The following AGBL4 variants were observed in gnomAD, a reference collection of about 807,000 sequenced individuals.
AGBL4 encodes the protein AGBL carboxypeptidase 4.
A neutral mutation model predicts 66.4 loss-of-function variants in AGBL4; 58 were observed. The observed-to-expected ratio is 0.87, with a 90% CI of 0.71 to 1.09. AGBL4 has a LOEUF of 1.09. Among genes scored for constraint, AGBL4 ranks in the 50% least tolerant of loss-of-function variants. AGBL4 has a pLI of 0.00. For synonymous variants in AGBL4, 234 were observed against 222.9 expected, an observed-to-expected ratio of 1.05 and a Z score of -0.44; for missense variants, 579 against 631.0, an observed-to-expected ratio of 0.92 and a Z score of 0.88.
At chr1:49,965,914 A>C (rs1452549914) in intron 1 of AGBL4, among the ~76,000 whole-genome samples, 2 of 151,718 alleles carry the variant, frequency 1.3e-5, no homozygotes, top group Non-Finnish European at 2.9e-5. Flanking sequence ...TAATTCAACC[A>C]GAGCCCCATT....
intron 1 of AGBL4, among the ~76,000 whole-genome samples, chr1:49,894,141 T>A (rs1648938941): frequency 6.6e-6 from 1 of 152,176 alleles, no homozygotes; most frequent in African/African-American, 2.4e-5. Flanking sequence ...CCTCTATGAA[T>A]CTGCAAGAAC....
chr1:49,872,282 T>C (rs1039127703), intron 1 of AGBL4, among the ~76,000 whole-genome samples: 1 of 152,094 alleles, frequency 6.6e-6, no homozygotes, highest in African/African-American at 2.4e-5. Context: ...TGAGTATTCT[T>C]AATTTATAAC....
At chr1:49,511,441 T>G (rs1413243857) in intron 3 of AGBL4, among the ~76,000 whole-genome samples, 28 of 114,124 alleles carry the variant, frequency 2.5e-4, no homozygotes, top group Admixed American at 1.2e-3. Context: ...AACATCACAC[T>G]CTGGGGACTG....
rs181478521 is a variant in AGBL4, at chr1:48,713,027, C to T, written c.635-49786G>A. Among the ~76,000 whole-genome samples, 28 of 152,316 alleles carry T rather than the reference C, an allele frequency of 1.8e-4. 1 individual carries two copies. Among genetic ancestry groups the T allele is most frequent in the Admixed American group, 4.6e-4 (7 of 15,294 alleles). On this transcript the variant is annotated intron_variant, in intron 6 of 13. Coordinates refer to ENST00000371839, the MANE Select transcript of AGBL4 (RefSeq NM_032785.4). ...TTACTTTGGAGAGACAGCAGCTGAG[C>T]ATCCACTAGACAGGGATGCTTGGTA...
At chr1:49,125,212 T>C (rs1403285052) in intron 4 of AGBL4, among the ~76,000 whole-genome samples, 2 of 152,178 alleles carry the variant, frequency 1.3e-5, no homozygotes, top group Non-Finnish European at 2.9e-5. Context: ...AGGCCTATTT[T>C]TGAGAATTTA....
rs1431997172 is a variant in AGBL4, at chr1:49,555,303, G to A, written c.282+142010C>T. 3.4e-5 allele frequency among the ~76,000 whole-genome samples: 5 copies of A among 148,932 alleles called. No individual in the cohort carries two copies. In the Admixed American group the frequency reaches 3.4e-4, roughly 10 times the overall value. Reference sequence around the variant, plus strand: ...CTCCAAGTCCCCACTAGATTAGCTAGACACAGAGCACTGATTGGTGCATTT... The same window carrying A: ...CTCCAAGTCCCCACTAGATTAGCTAAACACAGAGCACTGATTGGTGCATTT... On this transcript the variant is annotated intron_variant, in intron 3 of 13. Transcript: ENST00000371839.
chr1:48,841,026 A>G (rs377149836), intron 6 of AGBL4, among the ~76,000 whole-genome samples: 1 of 152,206 alleles, frequency 6.6e-6, no homozygotes, highest in East Asian at 1.9e-4. Flanking sequence ...CAAAAGCTAC[A>G]TTGTATATGA....
intron 3 of AGBL4, among the ~76,000 whole-genome samples, chr1:49,281,662 G>A (rs1644274952): frequency 6.6e-6 from 1 of 152,136 alleles, no homozygotes; most frequent in African/African-American, 2.4e-5. Flanking sequence ...CAGTTTCCTG[G>A]CATACAGCTA....
intron 4 of AGBL4, among the ~76,000 whole-genome samples, chr1:49,122,898 G>A (rs1464979801): frequency 6.6e-6 from 1 of 152,120 alleles, no homozygotes; most frequent in Non-Finnish European, 1.5e-5. Flanking sequence ...CTGTCACCCA[G>A]GGTGGAGTGC....
intron 3 of AGBL4, among the ~76,000 whole-genome samples, chr1:49,292,587 C>A (rs1035342194): frequency 6.6e-6 from 1 of 152,174 alleles, no homozygotes; most frequent in Non-Finnish European, 1.5e-5. Flanking sequence ...TTACCCACTA[C>A]AGGACCTCGT....
intron 3 of AGBL4, among the ~76,000 whole-genome samples, chr1:49,394,249 G>A (rs1644909791): frequency 6.6e-6 from 1 of 151,972 alleles, no homozygotes; most frequent in South Asian, 2.1e-4. Context: ...TCTAGTGGCA[G>A]CAACAAAACT....
chr1:48,739,160 C>T (rs1382879519), intron 6 of AGBL4, among the ~76,000 whole-genome samples: 1 of 152,224 alleles, frequency 6.6e-6, no homozygotes, highest in Non-Finnish European at 1.5e-5. Context: ...GCTCCCAGTG[C>T]AGTTCACCAC....
chr1:49,845,460 C>G lies in AGBL4; in HGVS notation c.157+5936G>C, dbSNP rs771787480. 39 of 1,531,040 alleles carry G rather than the reference C, an allele frequency of 2.5e-5. No homozygotes were observed. The Admixed American group carries it at 3.6e-4, about 14-fold the overall frequency. 94.8% of individuals were successfully genotyped at this position (1,531,040 alleles called of 1,614,324 possible). A position where few individuals can be genotyped will look rare whatever the true frequency, so the allele number is the denominator to read the frequency against. On this transcript the variant is annotated intron_variant, in intron 2 of 13. Transcript: ENST00000371839. ...CCTTCCAGCAAAGCATCCACCTCAC[C>G]CAGCACCTGCGAATCCACACTGGGG...
At chr1:49,542,910 A>C (rs946084501) in intron 3 of AGBL4, among the ~76,000 whole-genome samples, 4 of 150,230 alleles carry the variant, frequency 2.7e-5, no homozygotes, top group South Asian at 4.2e-4. Flanking sequence ...AAAAAAAAAA[A>C]AAAAAAAAAA....
At chr1:48,568,801 T>G (rs1462159024) in intron 11 of AGBL4, among the ~76,000 whole-genome samples, 1 of 152,180 alleles carries the variant, frequency 6.6e-6, no homozygotes, top group Non-Finnish European at 1.5e-5. Flanking sequence ...GTTATGTACT[T>G]TCTCCCTAAT....
intron 3 of AGBL4, among the ~76,000 whole-genome samples, chr1:49,524,010 C>A (rs907362930): frequency 2.6e-5 from 4 of 151,994 alleles, no homozygotes; most frequent in African/African-American, 4.8e-5. Context: ...CTAACAATTT[C>A]TTGAGTGCTT....
intron 1 of AGBL4, among the ~76,000 whole-genome samples, chr1:49,863,688 A>G (rs1036377982): frequency 6.6e-6 from 1 of 152,242 alleles, no homozygotes; most frequent in Admixed American, 6.5e-5. Context: ...AAGGTGTTCA[A>G]CATCACTGAT....
At chr1:49,198,574 A>T (rs953440125) in intron 4 of AGBL4, among the ~76,000 whole-genome samples, 1 of 152,042 alleles carries the variant, frequency 6.6e-6, no homozygotes, top group African/African-American at 2.4e-5. Context: ...TCCTGAACTC[A>T]GGTGATCCAT....
At chr1:48,821,025 G>A (rs1237405157) in intron 6 of AGBL4, among the ~76,000 whole-genome samples, 1 of 152,138 alleles carries the variant, frequency 6.6e-6, no homozygotes, top group Non-Finnish European at 1.5e-5. Context: ...CTAATCATCA[G>A]AGAAATGCAA....
Sources: allele counts gnomAD v4.1 joint callset (sites outside exome capture counted in the v4.1 genomes callset), GRCh38; gene constraint gnomAD v4.1.1; transcripts MANE v1.5; gene names NCBI Gene and HGNC (gene_info 2026-07-23, HGNC 2026-07-21).